CSMD1: variants seen among roughly 807,000 people sequenced by gnomAD.
The protein encoded by CSMD1 is CUB and Sushi multiple domains 1, also known as CUB and sushi domain-containing protein 1.
In CSMD1, 213 loss-of-function variants were observed where a neutral mutation model predicts 417.5. The observed-to-expected ratio is 0.51, with a 90% confidence interval of 0.46 to 0.57. The LOEUF is 0.57. CSMD1 is among the 20% of genes least tolerant of loss of function. The pLI, the probability that CSMD1 is intolerant of heterozygous loss-of-function variation, is 0.00. For missense variants in CSMD1, 6,923 were observed against 4,529.7 expected (o/e 1.53, Z -15.17); for synonymous variants, 2,862 against 1,736.8 (o/e 1.65, Z -16.11).
chr8:3,352,895 G>A (rs1203913744), intron 21 of CSMD1, among the ~76,000 whole-genome samples: 1 of 151,880 alleles, frequency 6.6e-6, no homozygotes, highest in African/African-American at 2.4e-5. Flanking sequence ...ACACATGGGG[G>A]TATATAACAA....
intron 7 of CSMD1, among the ~76,000 whole-genome samples, chr8:3,705,771 A>T (rs1056060815): frequency 1.3e-5 from 2 of 152,188 alleles, no homozygotes; most frequent in Non-Finnish European, 2.9e-5. Context: ...TAGAATCTCA[A>T]GAACTGTGGT....
chr8:3,289,605 T>C (rs1803401670), intron 25 of CSMD1, among the ~76,000 whole-genome samples: 2 of 145,306 alleles, frequency 1.4e-5, no homozygotes, highest in South Asian at 4.1e-4. Context: ...CATGTGTCTT[T>C]TGGCTGCATA....
chr8:4,726,327 A>T (rs1317628221), intron 1 of CSMD1, among the ~76,000 whole-genome samples: 1 of 151,958 alleles, frequency 6.6e-6, no homozygotes, highest in African/African-American at 2.4e-5. Context: ...AAAAAAAAAA[A>T]AGCTTTTTGT....
At chr8:3,783,002 C>A (rs1391405397) in intron 5 of CSMD1, among the ~76,000 whole-genome samples, 1 of 152,176 alleles carries the variant, frequency 6.6e-6, no homozygotes, top group African/African-American at 2.4e-5. Flanking sequence ...TTAAGCACAA[C>A]GTCCTATAGC....
At chr8:3,718,195 A>G (rs1276768753) in intron 6 of CSMD1, among the ~76,000 whole-genome samples, 2 of 152,172 alleles carry the variant, frequency 1.3e-5, no homozygotes, top group African/African-American at 4.8e-5. Flanking sequence ...TTAGTACAAT[A>G]ACTCTTTCTT....
chr8:4,522,972 G>T (rs1803553135), intron 2 of CSMD1, among the ~76,000 whole-genome samples: 1 of 152,150 alleles, frequency 6.6e-6, no homozygotes, highest in South Asian at 2.1e-4. Flanking sequence ...GAAAAGTTAA[G>T]AACATGTTCA....
intron 4 of CSMD1, among the ~76,000 whole-genome samples, chr8:4,025,437 G>C (rs1034302695): frequency 1.3e-5 from 2 of 152,154 alleles, no homozygotes; most frequent in African/African-American, 2.4e-5. Flanking sequence ...AATAATTTAT[G>C]AATCAATAAT....
At chr8:4,892,343 C>T (rs1017903348) in intron 1 of CSMD1, among the ~76,000 whole-genome samples, 1 of 152,074 alleles carries the variant, frequency 6.6e-6, no homozygotes. Flanking sequence ...GAAGCCATCT[C>T]CACAGCAAGA....
intron 5 of CSMD1, among the ~76,000 whole-genome samples, chr8:3,842,712 G>A (rs1325564335): frequency 6.6e-6 from 1 of 151,718 alleles, no homozygotes; most frequent in Non-Finnish European, 1.5e-5. Context: ...TGAGAAACCT[G>A]CAAAAAATGT....
chr8:3,037,428 T>C (rs887524871), intron 50 of CSMD1, among the ~76,000 whole-genome samples: 1 of 152,148 alleles, frequency 6.6e-6, no homozygotes, highest in African/African-American at 2.4e-5. Flanking sequence ...CAGGGTGGTC[T>C]GGATCTTCTG....
intron 5 of CSMD1, among the ~76,000 whole-genome samples, chr8:3,996,141 C>A (rs193255787): frequency 1.7e-4 from 26 of 152,242 alleles, no homozygotes; most frequent in African/African-American, 6.3e-4. Flanking sequence ...AAAGCTGCCA[C>A]TGATCATAGG....
intron 2 of CSMD1, among the ~76,000 whole-genome samples, chr8:4,469,308 C>T (rs1392198853): frequency 6.6e-6 from 1 of 152,190 alleles, no homozygotes; most frequent in Admixed American, 6.5e-5. Context: ...CTTTCTCATT[C>T]TAACAATTAT....
chr8:3,906,071 C>G (rs929566008), intron 5 of CSMD1, among the ~76,000 whole-genome samples: 2 of 152,150 alleles, frequency 1.3e-5, no homozygotes, highest in Admixed American at 1.3e-4. Flanking sequence ...GACTCACAGA[C>G]ATGCTCTCTC....
Position 3,678,545 on chromosome 8 carries a change from C to T in CSMD1, c.1009+29869G>A, listed in dbSNP as rs139959393. On this transcript the variant is annotated intron_variant, in intron 7 of 69. Coordinates refer to ENST00000635120, the MANE Select transcript of CSMD1 (RefSeq NM_033225.6). ...AGAAATATGGGACTATGTGAAAAGA[C>T]CAAATCTATGTCTGATTGGTGTACC... is the stretch of plus-strand genomic sequence containing the variant. 5.3e-3 allele frequency among the ~76,000 whole-genome samples: 810 copies of T among 152,196 alleles called. 3 individuals carry two copies. Among genetic ancestry groups the T allele is most frequent in the Middle Eastern group, 0.02 (6 of 294 alleles).
chr8:4,776,580 G>A (rs1796864081), intron 1 of CSMD1, among the ~76,000 whole-genome samples: 1 of 152,052 alleles, frequency 6.6e-6, no homozygotes, highest in Admixed American at 6.6e-5. Flanking sequence ...CTCCACTTCT[G>A]CATAAACGTT....
chr8:4,501,171 C>T (rs1347619975), intron 2 of CSMD1, among the ~76,000 whole-genome samples: 1 of 151,988 alleles, frequency 6.6e-6, no homozygotes, highest in Non-Finnish European at 1.5e-5. Flanking sequence ...TATGTGTATG[C>T]ATATATATGT....
intron 2 of CSMD1, among the ~76,000 whole-genome samples, chr8:4,623,855 TGG>T: frequency 2.6e-5 from 4 of 152,084 alleles, no homozygotes; most frequent in African/African-American, 9.7e-5. Context: ...GAACACAGGA[TGG>T]ATGACCGGGG....
chr8:3,518,004 C>T (rs1339528707), intron 10 of CSMD1, among the ~76,000 whole-genome samples: 2 of 151,990 alleles, frequency 1.3e-5, no homozygotes, highest in African/African-American at 4.8e-5. Flanking sequence ...TGTAGGTGAA[C>T]TTAAGAAACA....
intron 2 of CSMD1, among the ~76,000 whole-genome samples, chr8:4,499,686 C>T (rs566369834): frequency 2.0e-5 from 3 of 152,130 alleles, no homozygotes; most frequent in African/African-American, 7.2e-5. Flanking sequence ...TAGTGAATAA[C>T]TTTAATAAAT....
Sources: allele counts gnomAD v4.1 joint callset (sites outside exome capture counted in the v4.1 genomes callset), GRCh38; gene constraint gnomAD v4.1.1; transcripts MANE v1.5; gene names NCBI Gene and HGNC (gene_info 2026-07-23, HGNC 2026-07-21).